ATL2: variants seen among roughly 807,000 people sequenced by gnomAD.
ATL2 encodes the protein atlastin GTPase 2.
Under a neutral mutation model 73.9 loss-of-function variants are expected in ATL2, and 31 were observed. The observed-to-expected ratio is 0.42, with a 90% CI of 0.32 to 0.57. The LOEUF (loss-of-function observed/expected upper bound fraction) is 0.57, where lower values mean the gene tolerates loss of function less well. Among genes scored for constraint, ATL2 ranks in the 20% least tolerant of loss-of-function variants. The probability of loss-of-function intolerance (pLI) is 0.14; values close to 1 mark genes in which losing one functional copy is unlikely to be tolerated. For missense variants in ATL2, 738 were observed against 702.6 expected (o/e 1.05, Z -0.57); for synonymous variants, 291 against 237.5 (o/e 1.23, Z -2.07).
intron 2 of ATL2, among the ~76,000 whole-genome samples, chr2:38,326,944 C>A (rs1377402091): frequency 6.6e-6 from 1 of 151,792 alleles, no homozygotes; most frequent in African/African-American, 2.4e-5. Flanking sequence ...GCCAAGATCG[C>A]ACCACTGCAC....
At chr2:38,334,616 T>C (rs1669197101) in intron 2 of ATL2, among the ~76,000 whole-genome samples, 4 of 151,288 alleles carry the variant, frequency 2.6e-5, no homozygotes, top group Admixed American at 2.0e-4. Flanking sequence ...GAGAATTGCT[T>C]GAACCTGGGA....
intron 9 of ATL2, among the ~76,000 whole-genome samples, chr2:38,308,680 G>C (rs1261782904): frequency 6.6e-6 from 1 of 151,936 alleles, no homozygotes; most frequent in East Asian, 1.9e-4. Flanking sequence ...ATGATTATTA[G>C]ACATTGTATG....
At position 38,342,990 on chromosome 2, in the gene ATL2, G is replaced by T. The variant is rs545606519; in HGVS notation, c.363+278C>A. 8.5e-4 allele frequency among the ~76,000 whole-genome samples: 123 copies of T among 144,084 alleles called. 1 individual carries two copies. The South Asian group carries it at 0.024, about 28-fold the overall frequency. The allele number at this position is 144,084 out of a possible 152,430, so 94.5% of individuals were successfully genotyped here. On this transcript the variant is annotated intron_variant, in intron 2 of 12. Transcript: ENST00000378954. The stretch of plus-strand genomic sequence containing the variant: ...CATAGCTACAAAAAAAAAAAAAAAA[G>T]TTTTTTTAAGAGTTGGGCATGGTGG...
intron 7 of ATL2, among the ~76,000 whole-genome samples, chr2:38,311,958 G>A (rs1403551612): frequency 1.3e-5 from 2 of 152,112 alleles, no homozygotes; most frequent in African/African-American, 4.8e-5. Context: ...AGTGGGGTCT[G>A]GAAATGCCTT....
intron 2 of ATL2, among the ~76,000 whole-genome samples, chr2:38,333,321 A>G (rs1272671225): frequency 2.0e-5 from 3 of 152,204 alleles, no homozygotes; most frequent in Non-Finnish European, 2.9e-5. Flanking sequence ...TAAAAAATGT[A>G]CAAGCTAAAT....
chr2:38,312,542 C>G (rs937180090), intron 7 of ATL2, among the ~76,000 whole-genome samples: 1 of 152,042 alleles, frequency 6.6e-6, no homozygotes, highest in African/African-American at 2.4e-5. Flanking sequence ...AACCCCGTCT[C>G]TGCTAAAAAA....
chr2:38,310,194 G>A (rs917560567), intron 8 of ATL2, 115 bp downstream of exon 8: 3 of 1,168,350 alleles, frequency 2.6e-6, no homozygotes, highest in African/African-American at 3.1e-5. Context: ...CATGAACAAT[G>A]CATCCAAACA....
At chr2:38,317,906 C>T (rs1013932164) in intron 4 of ATL2, among the ~76,000 whole-genome samples, 4 of 152,018 alleles carry the variant, frequency 2.6e-5, no homozygotes, top group African/African-American at 9.7e-5. Context: ...CATCATAAGC[C>T]AGAAAACCAT....
intron 3 of ATL2, 102 bp downstream of exon 3, chr2:38,318,783 T>TA (rs1431342490): frequency 7.1e-7 from 1 of 1,412,436 alleles, no homozygotes; most frequent in East Asian, 2.3e-5. Flanking sequence ...ATCCGTATGT[T>TA]AAAGTTATCA....
At chr2:38,357,648 T>A (rs1234911505) in intron 1 of ATL2, among the ~76,000 whole-genome samples, 2 of 89,516 alleles carry the variant, frequency 2.2e-5, no homozygotes, top group African/African-American at 1.8e-4. Context: ...CAAGACTCCG[T>A]CTCAAAAAAA....
chr2:38,300,975 C>CTTTTTTTT (rs111531452), intron 9 of ATL2, among the ~76,000 whole-genome samples: 4,860 of 141,004 alleles, frequency 0.034, 316 homozygotes, highest in African/African-American at 0.12. Context: ...TCTCAACTTT[C>CTTTTTTTT]TTTTTTTTTT....
chr2:38,343,621 C>A, intron 1 of ATL2, 109 bp from the exon 2 acceptor site: 2 of 840,264 alleles, frequency 2.4e-6, no homozygotes, highest in Non-Finnish European at 1.9e-6. Context: ...CCCCTCCCCC[C>A]ATTATAGATC....
chr2:38,304,073 G>A (rs1393977233), intron 9 of ATL2, among the ~76,000 whole-genome samples: 1 of 152,142 alleles, frequency 6.6e-6, no homozygotes. Flanking sequence ...AGACCAGCCT[G>A]TTAAACACAG....
rs1458588623 is a variant in ATL2, at chr2:38,348,999, C to T, written c.119-5487G>A. On this transcript the variant is annotated intron_variant, in intron 1 of 12. Transcript: ENST00000378954. ...TACCATCTCACACCAGTTAGAATGGCGATCATTAAAAAGTCAGGAAACAAC... is the reference window on the plus strand; with the variant it reads ...TACCATCTCACACCAGTTAGAATGGTGATCATTAAAAAGTCAGGAAACAAC... Among the ~76,000 whole-genome samples, 7 of 151,674 alleles carry T rather than the reference C, an allele frequency of 4.6e-5. No homozygotes were observed. In the South Asian group the frequency reaches 6.2e-4, roughly 14 times the overall value.
At chr2:38,327,370 T>C (rs539031385) in intron 2 of ATL2, among the ~76,000 whole-genome samples, 38 of 152,068 alleles carry the variant, frequency 2.5e-4, no homozygotes, top group Non-Finnish European at 3.5e-4. Context: ...CAGTATAATA[T>C]CTGAAAGTGG....
intron 2 of ATL2, among the ~76,000 whole-genome samples, chr2:38,332,807 G>C (rs538868955): frequency 5.3e-5 from 8 of 152,108 alleles, no homozygotes; most frequent in African/African-American, 1.7e-4. Context: ...CTTATGCCTT[G>C]AACTTGCTTC....
chr2:38,323,218 G>A (rs946265296), intron 2 of ATL2, among the ~76,000 whole-genome samples: 10 of 151,952 alleles, frequency 6.6e-5, no homozygotes, highest in African/African-American at 2.4e-4. Flanking sequence ...TTACTACTAT[G>A]GAGACAAAAG....
intron 11 of ATL2, 109 bp from the exon 12 acceptor site, chr2:38,298,684 T>A (rs1429095758): frequency 1.3e-5 from 15 of 1,189,648 alleles, no homozygotes; most frequent in Non-Finnish European, 1.7e-5. Context: ...CATGATTGAG[T>A]CAGTTTTAAA....
chr2:38,315,663 C>T (rs1206880226), intron 4 of ATL2, among the ~76,000 whole-genome samples: 1 of 151,846 alleles, frequency 6.6e-6, no homozygotes, highest in African/African-American at 2.4e-5. Flanking sequence ...TGTTAAGATA[C>T]GATCATTTTT....
Sources: gnomAD v4.1 joint callset for allele counts (sites outside exome capture counted in the v4.1 genomes callset) on GRCh38, gnomAD v4.1.1 for gene constraint, MANE v1.5 for transcripts, NCBI Gene and HGNC (gene_info 2026-07-23, HGNC 2026-07-21) for gene names.